ADGRE5: variants seen among roughly 807,000 people sequenced by gnomAD.
The protein encoded by ADGRE5 is CD97 molecule.
A neutral mutation model predicts 100.3 loss-of-function variants in ADGRE5; 72 were observed. The observed-to-expected ratio is 0.72, with a 90% CI of 0.59 to 0.87. The LOEUF is 0.87. ADGRE5 is among the 40% of genes least tolerant of loss of function. ADGRE5 has a pLI of 0.00. For missense variants in ADGRE5, 959 were observed against 1,094.7 expected (o/e 0.88, Z 1.75); for synonymous variants, 439 against 447.8 (o/e 0.98, Z 0.25).
At chr19:14,395,069 G>A (rs1034868124) in intron 4 of ADGRE5, among the ~76,000 whole-genome samples, 28 of 152,192 alleles carry the variant, frequency 1.8e-4, no homozygotes, top group Admixed American at 1.1e-3. Context: ...GGGAGGCCAA[G>A]GTGGAAGGAT....
At chr19:14,393,042 A>G (rs1223783736) in intron 4 of ADGRE5, among the ~76,000 whole-genome samples, 1 of 152,094 alleles carries the variant, frequency 6.6e-6, no homozygotes, top group African/African-American at 2.4e-5. Flanking sequence ...TCTACTAAAA[A>G]CACAAGAAAT....
At chr19:14,400,155 G>A (rs1975952824) in intron 9 of ADGRE5, among the ~76,000 whole-genome samples, 1 of 152,070 alleles carries the variant, frequency 6.6e-6, no homozygotes, top group Non-Finnish European at 1.5e-5. Flanking sequence ...AAGTAGCTGG[G>A]ACTACAGGCG....
chr19:14,408,505 G>A lies in ADGRE5; in HGVS notation c.*384G>A, dbSNP rs140877477. The A allele has an allele frequency of 1.9e-5, 9 of 466,652 alleles. No homozygotes were observed. The highest frequency in any genetic ancestry group is 1.3e-4 in the African/African-American group (7 of 51,932). The allele number at this position is 466,652 out of a possible 1,614,324, so 28.9% of individuals were successfully genotyped here. On this transcript the variant is annotated 3_prime_UTR_variant, in exon 20 of 20. Transcript: ENST00000242786. ...TGCTGCAGAACTGAAGAGACTAGGC[G>A]CTGGGGCTCAGCTTCCCTCTTAAGC...
At chr19:14,399,256 A>G (rs1240961451) in intron 9 of ADGRE5, among the ~76,000 whole-genome samples, 1 of 151,746 alleles carries the variant, frequency 6.6e-6, no homozygotes, top group African/African-American at 2.4e-5. Context: ...CTGACACATG[A>G]TAAGCCTTAT....
Position 14,402,869 on chromosome 19 carries a change from G to T in ADGRE5, c.1449+7G>T, listed in dbSNP as rs768759629. 4 of 1,613,072 alleles carry T rather than the reference G, an allele frequency of 2.5e-6. No individual in the cohort carries two copies. In the South Asian group the frequency reaches 4.4e-5, roughly 18 times the overall value. On this transcript the variant is annotated splice_region_variant and intron_variant, in intron 12 of 19. Transcript: ENST00000242786. ...AAGAGACCCTCCTGCCAAGGTCTCT[G>T]CTCACTCTGCTCACTTCCTCAAAGA...
chr19:14,389,839 C>T (rs539308791), intron 3 of ADGRE5, among the ~76,000 whole-genome samples: 3 of 151,496 alleles, frequency 2.0e-5, no homozygotes, highest in Admixed American at 6.6e-5. Context: ...GAGGCCAAGG[C>T]GGGCGGATCA....
chr19:14,405,742 T>G lies in ADGRE5; in HGVS notation c.1630-6T>G. 6.2e-7 allele frequency: 1 copy of G among 1,609,950 alleles called. No individual in the cohort carries two copies. Among genetic ancestry groups the G allele is most frequent in the Non-Finnish European group, 8.5e-7 (1 of 1,177,526 alleles). On this transcript the variant is annotated splice_polypyrimidine_tract_variant and splice_region_variant and intron_variant, in intron 13 of 19. Coordinates refer to ENST00000242786, the MANE Select transcript of ADGRE5 (RefSeq NM_078481.4). ...AGGAACCCTGAGCACCCGGTGCCAC[T>G]CCTAGGACTGGAAGCTGACCCTGAT...
At chr19:14,390,386 C>G (rs949730901) in intron 3 of ADGRE5, among the ~76,000 whole-genome samples, 1 of 150,998 alleles carries the variant, frequency 6.6e-6, no homozygotes, top group African/African-American at 2.4e-5. Flanking sequence ...TGCAGTGACC[C>G]GATCTCGGCT....
intron 18 of ADGRE5, among the ~76,000 whole-genome samples, chr19:14,407,662 G>A (rs1192015955): frequency 1.3e-5 from 2 of 148,472 alleles, no homozygotes; most frequent in East Asian, 3.9e-4. Flanking sequence ...AAAGCCGGGT[G>A]TGCTGAATAC....
chr19:14,402,632 A>G lies in ADGRE5; in HGVS notation c.1219A>G (p.Met407Val). 2 of 1,614,084 alleles carry G rather than the reference A, an allele frequency of 1.2e-6. No homozygotes were observed. Among genetic ancestry groups the G allele is most frequent in the Non-Finnish European group, 1.7e-6 (2 of 1,179,994 alleles). Residue 407 changes from methionine to valine, a missense_variant, in exon 12 of 20, where the codon ATG becomes GTG. Physicochemically the swap from Met to Val is conservative, Grantham distance 21. Around this residue, in one of 6 missense-constraint regions of ADGRE5, gnomAD observed 246 missense variants for 242.2 expected, o/e 1.02. Transcript: ENST00000242786. ...AVAGILSIQN[M>V]TTLLANASLN... ...GGCGGGCATCCTCTCCATCCAGAAC[A>G]TGACGACATTGCTGGCCAATGCCTC...
chr19:14,406,870 G>A lies in ADGRE5; in HGVS notation c.2117G>A (p.Cys706Tyr). Residue 706 changes from cysteine (C) to tyrosine (Y), a missense_variant and splice_region_variant, in exon 17 of 20, where the codon TGC becomes TAC. By Grantham distance (194) the Cys-to-Tyr change is radical (BLOSUM62 -2). Around this residue, in one of 6 missense-constraint regions of ADGRE5, gnomAD observed 428 missense variants for 386.2 expected, o/e 1.11. Coordinates refer to ENST00000242786, the MANE Select transcript of ADGRE5 (RefSeq NM_078481.4). This position sits in a 1 kb window ranked among gnomAD's most constrained non-coding sequence, Gnocchi z 6.0. ...ACCCACAATCTGCTCCCTGCCCAGT[G>A]CAATGCTGTCATTTTCGTGACTACC... Reference protein sequence around the residue: ...FLGPVTFIILCNAVIFVTTVW... With the variant: ...FLGPVTFIILYNAVIFVTTVW... The A allele has an allele frequency of 6.2e-7, 1 of 1,614,032 alleles. No individual in the cohort carries two copies. The highest frequency in any genetic ancestry group is 8.5e-7 in the Non-Finnish European group (1 of 1,179,850).
intron 9 of ADGRE5, chr19:14,398,398 G>A (rs1215798298): frequency 1.7e-5 from 8 of 461,108 alleles, no homozygotes; most frequent in African/African-American, 7.9e-5. Flanking sequence ...GGCCGGGCAC[G>A]GTGGCTCACG....
intron 9 of ADGRE5, among the ~76,000 whole-genome samples, chr19:14,399,607 G>T (rs1218789945): frequency 1.7e-4 from 25 of 149,504 alleles, no homozygotes; most frequent in Admixed American, 1.5e-3. Context: ...AGCTGGCGTG[G>T]TGGTGCACGC....
chr19:14,398,228 C>A, intron 9 of ADGRE5, 89 bp downstream of exon 9: 3 of 1,180,712 alleles, frequency 2.5e-6, no homozygotes, highest in Non-Finnish European at 3.8e-6. Flanking sequence ...CCAACCCAAG[C>A]AGGGGCCTCT....
chr19:14,400,899 C>T (rs962512331), intron 9 of ADGRE5, among the ~76,000 whole-genome samples: 2 of 151,944 alleles, frequency 1.3e-5, no homozygotes, highest in Non-Finnish European at 2.9e-5. Flanking sequence ...GATCTGAGAT[C>T]GTGCCATTGC....
chr19:14,391,234 A>G (rs748860026), intron 4 of ADGRE5, 155 bp downstream of exon 4: 7 of 900,708 alleles, frequency 7.8e-6, no homozygotes, highest in Non-Finnish European at 1.0e-5. Flanking sequence ...CCACCACCCC[A>G]GAGAGGCAGA....
chr19:14,387,869 G>C (rs972590526), intron 1 of ADGRE5, among the ~76,000 whole-genome samples: 3 of 151,754 alleles, frequency 2.0e-5, no homozygotes, highest in Admixed American at 6.6e-5. Context: ...GAGGTCAGGA[G>C]TTCGAGACCA....
intron 9 of ADGRE5, 74 bp downstream of exon 9, chr19:14,398,213 A>C: frequency 7.1e-7 from 1 of 1,416,330 alleles, no homozygotes; most frequent in Non-Finnish European, 1.0e-6. Context: ...GGCCAGAGAG[A>C]GTGCCCAACC....
At chr19:14,400,995 G>A (rs943605838) in intron 9 of ADGRE5, among the ~76,000 whole-genome samples, 7 of 152,052 alleles carry the variant, frequency 4.6e-5, no homozygotes, top group South Asian at 2.1e-4. Context: ...GTGGTGGCAC[G>A]CTTCTGTAGT....
Sources: gnomAD v4.1 joint callset for allele counts (sites outside exome capture counted in the v4.1 genomes callset) on GRCh38, gnomAD v4.1.1 for gene constraint, gnomAD v4.1.1 regional missense constraint, Gnocchi (gnomAD v3.1) non-coding constraint, MANE v1.5 for transcripts, NCBI Gene and HGNC (gene_info 2026-07-23, HGNC 2026-07-21) for gene names.